TDRD7: variants seen among roughly 807,000 people sequenced by gnomAD.
The protein encoded by TDRD7 is tudor domain containing 7, also known as tudor domain-containing protein 7.
In TDRD7, 47 loss-of-function variants were observed where a neutral mutation model predicts 109.8. That is an observed-to-expected ratio of 0.43 (90% CI 0.34 to 0.55). The LOEUF (loss-of-function observed/expected upper bound fraction) is 0.55, where lower values mean the gene tolerates loss of function less well. Ranked by LOEUF, TDRD7 falls within the 20% of genes least tolerant of loss-of-function variation. TDRD7 has a pLI of 0.03. For synonymous variants in TDRD7, 424 were observed against 457.3 expected (o/e 0.93, Z 0.93); for missense variants, 1,164 against 1,319.2 (o/e 0.88, Z 1.82).
intron 1 of TDRD7, among the ~76,000 whole-genome samples, chr9:97,413,400 T>C (rs1171248581): frequency 6.6e-6 from 1 of 151,954 alleles, no homozygotes; most frequent in Non-Finnish European, 1.5e-5. Flanking sequence ...ATGTGTCAAA[T>C]AGAGGTACCT....
chr9:97,450,755 TCACAGTA>T (rs936505488), intron 6 of TDRD7, among the ~76,000 whole-genome samples: 173 of 152,310 alleles, frequency 1.1e-3, no homozygotes, highest in African/African-American at 4.0e-3. Context: ...CAGATGGTGA[TCACAGTA>T]GAATGCCCAG....
chr9:97,487,199 C>T lies in TDRD7; in HGVS notation c.2943C>T (p.Ile981=). The T allele has an allele frequency of 6.2e-7, 1 of 1,613,894 alleles. No homozygotes were observed. Among genetic ancestry groups the T allele is most frequent in the Non-Finnish European group, 8.5e-7 (1 of 1,179,878 alleles). Residue 981 remains isoleucine, a synonymous_variant, in exon 16 of 17, where the codon ATC becomes ATT. Coordinates refer to ENST00000355295, the MANE Select transcript of TDRD7 (RefSeq NM_014290.3). ...NKWHRVLLKG[I]LTNGLVSVYE... ...GGCACAGGGTGCTTTTAAAAGGAAT[C>T]CTGACCAATGGACTGGTATCTGTGT... is the stretch of plus-strand genomic sequence containing the variant.
chr9:97,460,061 C>T (rs115129626), intron 6 of TDRD7, 117 bp from the exon 7 acceptor site: 13 of 871,530 alleles, frequency 1.5e-5, no homozygotes, highest in Middle Eastern at 2.8e-4. Flanking sequence ...AAGAGTAAAT[C>T]GTACACTTGA....
In TDRD7 at chr9:97,464,712, G is replaced by A. The variant is rs142461780; in HGVS notation, c.1443-130G>A. 163 of 895,962 alleles carry A rather than the reference G, an allele frequency of 1.8e-4. No individual in the cohort carries two copies. In the African/African-American group the frequency reaches 2.3e-3, roughly 13 times the overall value. The allele number at this position is 895,962 out of a possible 1,614,324, so 55.5% of individuals were successfully genotyped here. On this transcript the variant is annotated intron_variant, in intron 7 of 16. Transcript: ENST00000355295. Reference sequence around the variant, plus strand: ...TCACTGAATACACGTTCTCCTCCCTGTTGATATAAGCAAGTCTGAGACTGG... The same window carrying A: ...TCACTGAATACACGTTCTCCTCCCTATTGATATAAGCAAGTCTGAGACTGG...
intron 7 of TDRD7, among the ~76,000 whole-genome samples, chr9:97,462,275 C>A (rs1828739046): frequency 6.6e-6 from 1 of 152,216 alleles, no homozygotes; most frequent in East Asian, 1.9e-4. Flanking sequence ...TTCTGTTGTT[C>A]ACACCAAGGT....
intron 6 of TDRD7, among the ~76,000 whole-genome samples, chr9:97,446,835 A>G (rs1358323616): frequency 2.6e-5 from 4 of 152,196 alleles, no homozygotes. Context: ...CTTCTGGGGT[A>G]AAACCAAAAC....
chr9:97,472,584 A>G (rs1828940702), intron 10 of TDRD7, 89 bp downstream of exon 10: 1 of 1,092,418 alleles, frequency 9.2e-7, no homozygotes, highest in African/African-American at 1.6e-5. Context: ...CTAACAATTG[A>G]TAGAGACAGA....
Position 97,441,638 on chromosome 9 carries a change from A to G in TDRD7, c.638-20A>G, listed in dbSNP as rs769095575. ...AATGTTAAGCATTTTGGTTAATTCTATTATTTTTTTAATTTAAAGATAATT... is the reference window on the plus strand; with the variant it reads ...AATGTTAAGCATTTTGGTTAATTCTGTTATTTTTTTAATTTAAAGATAATT... On this transcript the variant is annotated intron_variant, in intron 5 of 16. Coordinates refer to ENST00000355295, the MANE Select transcript of TDRD7 (RefSeq NM_014290.3). 4.5e-6 allele frequency: 7 copies of G among 1,562,120 alleles called. No individual in the cohort carries two copies. In the Admixed American group the frequency reaches 5.1e-5, roughly 11 times the overall value.
chr9:97,423,838 A>T (rs1339081627), intron 1 of TDRD7, among the ~76,000 whole-genome samples: 3 of 152,038 alleles, frequency 2.0e-5, no homozygotes, highest in Non-Finnish European at 4.4e-5. Flanking sequence ...GTGATACCTA[A>T]TGTAATTTTG....
intron 14 of TDRD7, 59 bp from the exon 15 acceptor site, chr9:97,482,790 G>T: frequency 6.4e-7 from 1 of 1,573,674 alleles, no homozygotes. Flanking sequence ...TACTATAACT[G>T]CCTCTCAAAA....
chr9:97,422,087 G>A (rs148891629), intron 1 of TDRD7, among the ~76,000 whole-genome samples: 100 of 152,108 alleles, frequency 6.6e-4, no homozygotes, highest in African/African-American at 2.3e-3. Flanking sequence ...AATTTCCTTA[G>A]CATCTTTGTT....
intron 16 of TDRD7, among the ~76,000 whole-genome samples, chr9:97,490,790 C>T (rs917962847): frequency 2.0e-5 from 3 of 150,304 alleles, no homozygotes; most frequent in Non-Finnish European, 3.0e-5. Context: ...TTTCTGTTGT[C>T]ATATCCTTGA....
intron 2 of TDRD7, among the ~76,000 whole-genome samples, chr9:97,430,122 C>G (rs1312195436): frequency 2.0e-5 from 3 of 152,180 alleles, no homozygotes; most frequent in Admixed American, 2.0e-4. Flanking sequence ...GAGTCAAAGA[C>G]TTGAAAACTA....
chr9:97,414,624 CCTTA>C (rs1027315458), intron 1 of TDRD7, among the ~76,000 whole-genome samples: 5 of 152,044 alleles, frequency 3.3e-5, no homozygotes, highest in Admixed American at 6.6e-5. Flanking sequence ...TATGGAAATC[CCTTA>C]CTTACGTACA....
chr9:97,460,092 C>A (rs2131148451), intron 6 of TDRD7, 86 bp from the exon 7 acceptor site: 1 of 1,155,948 alleles, frequency 8.7e-7, no homozygotes, highest in Non-Finnish European at 1.3e-6. Context: ...AACAGCATGA[C>A]TCTCAAATTT....
At chr9:97,440,758 TAA>T (rs1314557310) in intron 5 of TDRD7, among the ~76,000 whole-genome samples, 1 of 152,150 alleles carries the variant, frequency 6.6e-6, no homozygotes, top group Non-Finnish European at 1.5e-5. Flanking sequence ...ACTATCTGCT[TAA>T]AATATGCATA....
chr9:97,432,093 C>T lies in TDRD7; in HGVS notation c.418C>T (p.Pro140Ser), dbSNP rs773280636. The change falls in exon 4 of 17, where the codon CCA becomes TCA. Residue 140 changes from proline to serine, a missense_variant. Physicochemically the swap from Pro to Ser is moderately conservative, Grantham distance 74. Transcript: ENST00000355295. Reference protein sequence around the residue: ...SNFSVGKKPNPAPLRDKGNSV... With the variant: ...SNFSVGKKPNSAPLRDKGNSV... ...TTTTTCTGTTGGCAAAAAACCTAAT[C>T]CAGCACCGTTAAGAGACAAAGGAAA... The T allele has an allele frequency of 1.9e-6, 3 of 1,613,868 alleles. No individual in the cohort carries two copies. The highest frequency in any genetic ancestry group is 1.3e-5 in the African/African-American group (1 of 75,016).
intron 1 of TDRD7, among the ~76,000 whole-genome samples, chr9:97,425,636 T>A (rs1368746755): frequency 6.6e-6 from 1 of 152,016 alleles, no homozygotes; most frequent in Non-Finnish European, 1.5e-5. Flanking sequence ...CACACACACA[T>A]CTGTGAAAAG....
rs768078865 is a variant in TDRD7 at position 97,495,670 on chromosome 9, G to A, written c.3084G>A (p.Lys1028=). 6.2e-7 allele frequency: 1 copy of A among 1,614,116 alleles called. No homozygotes were observed. Among genetic ancestry groups the A allele is most frequent in the Non-Finnish European group, 8.5e-7 (1 of 1,180,014 alleles). ...TTCCTCTCTTCCTCCTAGGAGTGAA[G>A]TGCAACCAGTGGTCTGAGGAGGCTT... ...QAVTAQLAGV[K]CNQWSEEASM... The change falls in exon 17 of 17, where the codon AAG becomes AAA. Residue 1028 remains lysine, a synonymous_variant. Transcript: ENST00000355295.
Sources: allele counts gnomAD v4.1 joint callset (sites outside exome capture counted in the v4.1 genomes callset), GRCh38; gene constraint gnomAD v4.1.1; transcripts MANE v1.5; gene names NCBI Gene and HGNC (gene_info 2026-07-23, HGNC 2026-07-21).